FGGY: variants seen among roughly 807,000 people sequenced by gnomAD.
FGGY encodes the protein FGGY carbohydrate kinase domain containing.
In FGGY, 72 loss-of-function variants were observed where a neutral mutation model predicts 71.3. The ratio of observed to expected loss-of-function variants is 1.01; its 90% CI spans 0.84 to 1.23. FGGY has a LOEUF of 1.23. FGGY is among the 50% of genes most tolerant of loss of function. FGGY has a pLI of 0.00. For synonymous variants in FGGY, 251 were observed against 250.3 expected (o/e 1.00, Z -0.02); for missense variants, 668 against 682.3 (o/e 0.98, Z 0.23).
intron 4 of FGGY, among the ~76,000 whole-genome samples, chr1:59,372,038 A>C (rs890781509): frequency 6.6e-6 from 1 of 152,186 alleles, no homozygotes; most frequent in African/African-American, 2.4e-5. Flanking sequence ...AGCTAGCAGA[A>C]GGCGAGAAAT....
chr1:59,716,462 G>A (rs866045968), intron 14 of FGGY, among the ~76,000 whole-genome samples: 1 of 152,114 alleles, frequency 6.6e-6, no homozygotes, highest in Non-Finnish European at 1.5e-5. Context: ...ACTACATCTT[G>A]ATCTCTGAGC....
chr1:59,310,755 C>A (rs1471086722), intron 1 of FGGY, among the ~76,000 whole-genome samples: 1 of 152,152 alleles, frequency 6.6e-6, no homozygotes. Flanking sequence ...AAATGGAGCC[C>A]CCTGCTTGGG....
intron 6 of FGGY, among the ~76,000 whole-genome samples, chr1:59,479,430 G>A (rs540182174): frequency 6.6e-6 from 1 of 152,304 alleles, no homozygotes; most frequent in Admixed American, 6.5e-5. Context: ...GTGATGGGTT[G>A]CTGATACCCA....
intron 5 of FGGY, among the ~76,000 whole-genome samples, chr1:59,436,216 C>G (rs2068433044): frequency 6.6e-6 from 1 of 152,102 alleles, no homozygotes. Context: ...TTCACCGTCC[C>G]TCAGTCACCC....
At chr1:59,499,752 G>C (rs1021084947) in intron 6 of FGGY, among the ~76,000 whole-genome samples, 1 of 152,156 alleles carries the variant, frequency 6.6e-6, no homozygotes, top group African/African-American at 2.4e-5. Flanking sequence ...CTGAACAACA[G>C]TAACAGCAGA....
chr1:59,746,128 A>G (rs369956966), intron 14 of FGGY, among the ~76,000 whole-genome samples: 41 of 152,168 alleles, frequency 2.7e-4, no homozygotes, highest in African/African-American at 9.7e-4. Context: ...GTGATCTAGG[A>G]GCCTTAGCCT....
intron 1 of FGGY, among the ~76,000 whole-genome samples, chr1:59,318,898 G>T (rs1429244612): frequency 6.6e-6 from 1 of 152,256 alleles, no homozygotes; most frequent in East Asian, 1.9e-4. Context: ...CCAGAGAGGG[G>T]ATTCCAAGTA....
intron 7 of FGGY, among the ~76,000 whole-genome samples, chr1:59,517,518 G>A (rs1443235453): frequency 1.3e-5 from 2 of 151,962 alleles, no homozygotes; most frequent in Non-Finnish European, 2.9e-5. Flanking sequence ...GCCCGCCTCG[G>A]CCTCCCAATC....
intron 4 of FGGY, among the ~76,000 whole-genome samples, chr1:59,373,223 A>C (rs1191272887): frequency 1.3e-5 from 2 of 152,156 alleles, no homozygotes; most frequent in African/African-American, 4.8e-5. Flanking sequence ...CTCAGGATAC[A>C]AAATCAATGT....
At chr1:59,644,333 A>G (rs1429848488) in intron 11 of FGGY, among the ~76,000 whole-genome samples, 4 of 152,128 alleles carry the variant, frequency 2.6e-5, no homozygotes, top group Non-Finnish European at 4.4e-5. Flanking sequence ...GTTGACTCCT[A>G]TCATGTGACT....
At chr1:59,370,073 T>C (rs189951866) in intron 4 of FGGY, among the ~76,000 whole-genome samples, 3,452 of 152,200 alleles carry the variant, frequency 0.023, 141 homozygotes, top group African/African-American at 0.08. Context: ...AGAATGACTT[T>C]GACGAGTTGA....
chr1:59,656,194 T>C (rs2097216675), intron 11 of FGGY, among the ~76,000 whole-genome samples: 1 of 152,196 alleles, frequency 6.6e-6, no homozygotes, highest in African/African-American at 2.4e-5. Flanking sequence ...CATTTGTCTG[T>C]CTCGCCCAAA....
At chr1:59,613,453 A>G (rs968712404) in intron 9 of FGGY, among the ~76,000 whole-genome samples, 2 of 152,218 alleles carry the variant, frequency 1.3e-5, no homozygotes, top group Non-Finnish European at 2.9e-5. Context: ...AACCAATGAG[A>G]ACAAAGACAC....
At chr1:59,529,569 T>C (rs985551098) in intron 7 of FGGY, among the ~76,000 whole-genome samples, 20 of 152,222 alleles carry the variant, frequency 1.3e-4, no homozygotes, top group Non-Finnish European at 2.5e-4. Context: ...CATTTCAGTT[T>C]GGCTGAAATC....
chr1:59,698,995 T>C, intron 14 of FGGY: 1 of 985,308 alleles, frequency 1.0e-6, no homozygotes, highest in South Asian at 4.7e-5. Context: ...CATGTTTAAA[T>C]ATGTTTAATA....
At chr1:59,554,894 A>G (rs532442039) in intron 8 of FGGY, among the ~76,000 whole-genome samples, 1 of 152,306 alleles carries the variant, frequency 6.6e-6, no homozygotes, top group Admixed American at 6.5e-5. Flanking sequence ...TTAAACTTAA[A>G]TCGACGACTC....
At chr1:59,699,551 A>G (rs111478089) in intron 14 of FGGY, among the ~76,000 whole-genome samples, 1 of 152,170 alleles carries the variant, frequency 6.6e-6, no homozygotes, top group Non-Finnish European at 1.5e-5. Flanking sequence ...AAAGAAGGCA[A>G]ATGGTACCCT....
At chr1:59,591,152 AAG>A (rs974545525) in intron 8 of FGGY, among the ~76,000 whole-genome samples, 83 of 117,382 alleles carry the variant, frequency 7.1e-4, no homozygotes, top group African/African-American at 2.7e-3. Flanking sequence ...ATAACAGACA[AAG>A]AGAGAGCCAA....
At position 59,660,028 on chromosome 1, in the gene FGGY, A is replaced by G. The variant is rs1001621079; in HGVS notation, c.1222-191A>G. On this transcript the variant is annotated intron_variant, in intron 11 of 15. Transcript: ENST00000303721. ...TCAGGGTATTTTCTCTTGGGGAGGA[A>G]GGGATAGTTTTTCCCAGGTCTGGAG... Among the ~76,000 whole-genome samples the G allele has an allele frequency of 1.4e-4, 21 of 152,322 alleles. No individual in the cohort carries two copies. The East Asian group carries it at 3.3e-3, about 24-fold the overall frequency.
Sources: gnomAD v4.1 joint callset for allele counts (sites outside exome capture counted in the v4.1 genomes callset) on GRCh38, gnomAD v4.1.1 for gene constraint, MANE v1.5 for transcripts, NCBI Gene and HGNC (gene_info 2026-07-23, HGNC 2026-07-21) for gene names.